Variants in RRM1 observed in about 807,000 individuals in gnomAD.
RRM1 encodes ribonucleotide reductase catalytic subunit M1, also known as ribonucleoside-diphosphate reductase large subunit.
RRM1 carries 19 observed loss-of-function variants against 101.5 expected under a neutral mutation model. The observed-to-expected ratio is 0.19, with a 90% CI of 0.13 to 0.27. The LOEUF (loss-of-function observed/expected upper bound fraction) is 0.27, where lower values mean the gene tolerates loss of function less well. RRM1 is among the 10% of genes least tolerant of loss of function. RRM1 has a pLI of 1.00. For synonymous variants in RRM1, 298 were observed against 323.4 expected, an observed-to-expected ratio of 0.92 and a Z score of 0.84; for missense variants, 500 against 962.9, an observed-to-expected ratio of 0.52 and a Z score of 6.36.
rs1230024579 is a variant in RRM1, at chr11:4,127,117, C to G, written c.1553C>G (p.Pro518Arg). ...LADAFILMRY[P>R]FESAEAQLLN... The stretch of plus-strand genomic sequence containing the variant: ...GATGCTTTTATCCTGATGAGATACC[C>G]TTTTGAGAGTGCAGAAGCCCAGTTA... The change falls in exon 14 of 19, where the codon CCT becomes CGT. Residue 518 changes from proline (P) to arginine (R), a missense_variant. Physicochemically the swap from Pro to Arg is moderately radical, Grantham distance 103. Coordinates refer to ENST00000300738, the MANE Select transcript of RRM1 (RefSeq NM_001033.5). The G allele has an allele frequency of 6.2e-7, 1 of 1,614,126 alleles. No individual in the cohort carries two copies. The highest frequency in any genetic ancestry group is 1.7e-5 in the Admixed American group (1 of 60,012).
At chr11:4,095,108 G>A (rs1444601468) in intron 1 of RRM1, 77 bp downstream of exon 1, 3 of 1,317,514 alleles carry the variant, frequency 2.3e-6, no homozygotes, top group Admixed American at 2.2e-5. Context: ...TGCCCAGACC[G>A]CCCGCCCGCC....
chr11:4,112,076 G>A lies in RRM1; in HGVS notation c.650+14G>A, dbSNP rs757914577. 3 of 1,608,074 alleles carry A rather than the reference G, an allele frequency of 1.9e-6. No homozygotes were observed. The highest frequency in any genetic ancestry group is 2.5e-6 in the Non-Finnish European group (3 of 1,176,772). On this transcript the variant is annotated intron_variant, in intron 7 of 18. Coordinates refer to ENST00000300738, the MANE Select transcript of RRM1 (RefSeq NM_001033.5). Reference sequence around the variant, plus strand: ...ACAACTTTCTAGGTAGGTGTTTTGAGTAGGGAAATACGCCTTGACCTGAAG... The same window carrying A: ...ACAACTTTCTAGGTAGGTGTTTTGAATAGGGAAATACGCCTTGACCTGAAG...
In RRM1 at chr11:4,122,122, T is replaced by G; in HGVS notation, c.1039-19T>G. ...CTATTTGAAGTTTCTTATGAGTGATTTTGTCCTTTCCTTTTTAGGACTGGT... is the reference window on the plus strand; with the variant it reads ...CTATTTGAAGTTTCTTATGAGTGATGTTGTCCTTTCCTTTTTAGGACTGGT... On this transcript the variant is annotated intron_variant, in intron 10 of 18. Transcript: ENST00000300738. 2 of 1,599,998 alleles carry G rather than the reference T, an allele frequency of 1.3e-6. No individual in the cohort carries two copies. Among genetic ancestry groups the G allele is most frequent in the South Asian group, 1.1e-5 (1 of 89,406 alleles).
At chr11:4,137,233 A>T in intron 18 of RRM1, 1 of 260,156 alleles carries the variant, frequency 3.8e-6, no homozygotes, top group Non-Finnish European at 7.6e-6. Flanking sequence ...CCGCCCTTCT[A>T]TTCCACAAAG....
intron 3 of RRM1, among the ~76,000 whole-genome samples, chr11:4,106,987 G>A (rs1010404679): frequency 6.6e-6 from 1 of 151,662 alleles, no homozygotes; most frequent in African/African-American, 2.4e-5. Context: ...TCCGCCTCCC[G>A]GGTTCAAGTG....
At chr11:4,101,858 G>C in intron 1 of RRM1, 135 bp from the exon 2 acceptor site, 1 of 605,642 alleles carries the variant, frequency 1.7e-6, no homozygotes, top group Non-Finnish European at 2.9e-6. Flanking sequence ...CTTTTGAGGG[G>C]GCCTCAATCT....
chr11:4,094,860 T>G lies in RRM1; in HGVS notation c.-153T>G, dbSNP rs759781134. On this transcript the variant is annotated 5_prime_UTR_variant, in exon 1 of 19. Coordinates refer to ENST00000300738, the MANE Select transcript of RRM1 (RefSeq NM_001033.5). ...GATTTGGATTGTTGCGCCTCTGCTCTGAAGAAAGTGCTGTCTGGCTCCAAC... is the reference window on the plus strand; with the variant it reads ...GATTTGGATTGTTGCGCCTCTGCTCGGAAGAAAGTGCTGTCTGGCTCCAAC... 5 of 775,256 alleles carry G rather than the reference T, an allele frequency of 6.4e-6. No homozygotes were observed. The highest frequency in any genetic ancestry group is 1.1e-5 in the Non-Finnish European group (5 of 457,736). 48.0% of individuals were successfully genotyped at this position (775,256 alleles called of 1,614,324 possible).
intron 12 of RRM1, among the ~76,000 whole-genome samples, chr11:4,125,486 C>G (rs2094588108): frequency 6.6e-6 from 1 of 152,138 alleles, no homozygotes; most frequent in Non-Finnish European, 1.5e-5. Context: ...CTACAAGGTC[C>G]TACACAACTG....
At chr11:4,102,492 T>C (rs553234250) in intron 2 of RRM1, among the ~76,000 whole-genome samples, 1 of 152,202 alleles carries the variant, frequency 6.6e-6, no homozygotes, top group Admixed American at 6.5e-5. Context: ...ACCCCGTCTC[T>C]ACTAAAAATG....
In RRM1 at chr11:4,094,857, C is replaced by A; in HGVS notation, c.-156C>A. On this transcript the variant is annotated 5_prime_UTR_variant, in exon 1 of 19. Transcript: ENST00000300738. ...GGGGATTTGGATTGTTGCGCCTCTG[C>A]TCTGAAGAAAGTGCTGTCTGGCTCC... 1 of 755,662 alleles carries A rather than the reference C, an allele frequency of 1.3e-6. No homozygotes were observed. Among genetic ancestry groups the A allele is most frequent in the Non-Finnish European group, 2.3e-6 (1 of 441,438 alleles). The allele number at this position is 755,662 out of a possible 1,614,324, so 46.8% of individuals were successfully genotyped here.
At chr11:4,135,306 G>A in intron 18 of RRM1, 36 bp downstream of exon 18, 2 of 1,456,698 alleles carry the variant, frequency 1.4e-6, no homozygotes, top group Non-Finnish European at 9.3e-7. Context: ...TTAATTGCCA[G>A]CTTGAGATAT....
At chr11:4,114,901 C>T (rs950147639) in intron 7 of RRM1, among the ~76,000 whole-genome samples, 8 of 151,970 alleles carry the variant, frequency 5.3e-5, no homozygotes, top group South Asian at 2.1e-4. Context: ...TTAATACAGA[C>T]GGGGTTTCAC....
chr11:4,101,120 A>G (rs973322022), intron 1 of RRM1, among the ~76,000 whole-genome samples: 7 of 152,150 alleles, frequency 4.6e-5, no homozygotes, highest in African/African-American at 1.7e-4. Flanking sequence ...CAAGGGTCCT[A>G]TTTGGGGCAT....
At chr11:4,117,009 T>C (rs2094574623) in intron 7 of RRM1, among the ~76,000 whole-genome samples, 1 of 149,978 alleles carries the variant, frequency 6.7e-6, no homozygotes, top group Non-Finnish European at 1.5e-5. Flanking sequence ...GAAAGCCAAA[T>C]AGAAACATGG....
intron 10 of RRM1, 71 bp from the exon 11 acceptor site, chr11:4,122,070 G>C: frequency 8.6e-7 from 1 of 1,161,028 alleles, no homozygotes; most frequent in Non-Finnish European, 1.3e-6. Context: ...CCTTATGCTT[G>C]CAGTGTTTCT....
chr11:4,095,058 A>C lies in RRM1; in HGVS notation c.19+27A>C, dbSNP rs1222747818. 5 of 1,562,768 alleles carry C rather than the reference A, an allele frequency of 3.2e-6. No individual in the cohort carries two copies. In the African/African-American group the frequency reaches 6.8e-5, roughly 21 times the overall value. On this transcript the variant is annotated intron_variant, in intron 1 of 18. Transcript: ENST00000300738. Reference sequence around the variant, plus strand: ...TGAGGGGGGGACGAGGTGGGCGAGAAGGAAGGTGAGGGGATGCGGGCTGCC... The same window carrying C: ...TGAGGGGGGGACGAGGTGGGCGAGACGGAAGGTGAGGGGATGCGGGCTGCC...
intron 16 of RRM1, 89 bp from the exon 17 acceptor site, chr11:4,133,474 G>A (rs2094603862): frequency 1.4e-6 from 1 of 732,690 alleles, no homozygotes; most frequent in Non-Finnish European, 2.3e-6. Flanking sequence ...TAACTCTTAA[G>A]TGATTTTAGT....
intron 14 of RRM1, among the ~76,000 whole-genome samples, chr11:4,127,895 C>G (rs1185388472): frequency 6.6e-6 from 1 of 152,186 alleles, no homozygotes; most frequent in Non-Finnish European, 1.5e-5. Context: ...GGAGTCCAGA[C>G]TTAGCTTAGC....
At chr11:4,117,173 G>A (rs1451980271) in intron 7 of RRM1, among the ~76,000 whole-genome samples, 1 of 152,224 alleles carries the variant, frequency 6.6e-6, no homozygotes, top group Non-Finnish European at 1.5e-5. Context: ...TGATAAGAAT[G>A]TGGAGCACAA....
Sources: allele counts gnomAD v4.1 joint callset (sites outside exome capture counted in the v4.1 genomes callset), GRCh38; gene constraint gnomAD v4.1.1; transcripts MANE v1.5; gene names NCBI Gene and HGNC (gene_info 2026-07-23, HGNC 2026-07-21).